The following XKR4 variants were observed in gnomAD, a reference collection of about 807,000 sequenced individuals.
XKR4 encodes XK related 4.
In XKR4, 12 loss-of-function variants were observed where a neutral mutation model predicts 53.9. The observed-to-expected ratio is 0.22, with a 90% CI of 0.14 to 0.36. The LOEUF is 0.36. Ranked by LOEUF, XKR4 falls within the 10% of genes least tolerant of loss-of-function variation. XKR4 has a pLI of 1.00. For synonymous variants in XKR4, 354 were observed against 362.4 expected, an observed-to-expected ratio of 0.98 and a Z score of 0.26; for missense variants, 799 against 859.5, an observed-to-expected ratio of 0.93 and a Z score of 0.88.
At chr8:55,318,313 A>T (rs1338837202) in intron 1 of XKR4, among the ~76,000 whole-genome samples, 1 of 152,218 alleles carries the variant, frequency 6.6e-6, no homozygotes, top group Non-Finnish European at 1.5e-5. Flanking sequence ...AATATCTCAA[A>T]CATCAATAAA....
chr8:55,316,220 A>G (rs1443966382), intron 1 of XKR4, among the ~76,000 whole-genome samples: 1 of 152,162 alleles, frequency 6.6e-6, no homozygotes, highest in African/African-American at 2.4e-5. Context: ...CTTATTTTGA[A>G]AATCTGTTGA....
chr8:55,290,111 A>G (rs1389388781), intron 1 of XKR4, among the ~76,000 whole-genome samples: 2 of 150,056 alleles, frequency 1.3e-5, no homozygotes, highest in African/African-American at 4.9e-5. Flanking sequence ...TTTGTGTGTG[A>G]TGTTAATTCT....
At chr8:55,361,116 C>T (rs944356456) in intron 2 of XKR4, among the ~76,000 whole-genome samples, 5 of 152,334 alleles carry the variant, frequency 3.3e-5, no homozygotes, top group South Asian at 2.1e-4. Flanking sequence ...CAGCTCCCCG[C>T]GGAGTATAAG....
At chr8:55,461,336 C>G (rs1805654675) in intron 2 of XKR4, among the ~76,000 whole-genome samples, 1 of 152,246 alleles carries the variant, frequency 6.6e-6, no homozygotes, top group Non-Finnish European at 1.5e-5. Context: ...TGTTCTGCAG[C>G]CTTCGCTGCT....
intron 1 of XKR4, among the ~76,000 whole-genome samples, chr8:55,346,857 T>G (rs1211381521): frequency 6.6e-6 from 1 of 152,170 alleles, no homozygotes; most frequent in African/African-American, 2.4e-5. Context: ...AAATAACAAC[T>G]GATAACAGCC....
At chr8:55,149,778 G>A (rs772850243) in intron 1 of XKR4, among the ~76,000 whole-genome samples, 2 of 152,204 alleles carry the variant, frequency 1.3e-5, no homozygotes, top group African/African-American at 4.8e-5. Context: ...GCAGAAGCAG[G>A]TGCTGCCTTA....
chr8:55,129,385 C>G (rs1175237865), intron 1 of XKR4, among the ~76,000 whole-genome samples: 1 of 152,240 alleles, frequency 6.6e-6, no homozygotes, highest in South Asian at 2.1e-4. Context: ...CTGCCTTGCA[C>G]TCTGAGCTGA....
At chr8:55,492,068 G>C (rs1161611079) in intron 2 of XKR4, among the ~76,000 whole-genome samples, 2 of 152,124 alleles carry the variant, frequency 1.3e-5, no homozygotes, top group African/African-American at 4.8e-5. Context: ...TGCTCTACTT[G>C]AATTCCCCTT....
chr8:55,307,216 C>T (rs971857466), intron 1 of XKR4, among the ~76,000 whole-genome samples: 3 of 152,070 alleles, frequency 2.0e-5, no homozygotes, highest in Admixed American at 6.5e-5. Flanking sequence ...CTGCGGACTG[C>T]GAGAAAATAT....
chr8:55,162,483 A>T (rs1563472058), intron 1 of XKR4, among the ~76,000 whole-genome samples: 1 of 152,234 alleles, frequency 6.6e-6, no homozygotes, highest in African/African-American at 2.4e-5. Flanking sequence ...TTGCAAAATG[A>T]AATAATAATA....
intron 2 of XKR4, among the ~76,000 whole-genome samples, chr8:55,429,971 G>A (rs1805075724): frequency 1.3e-5 from 2 of 152,050 alleles, no homozygotes; most frequent in Non-Finnish European, 2.9e-5. Flanking sequence ...GCTGGGACAT[G>A]GGCAAATGAT....
intron 1 of XKR4, among the ~76,000 whole-genome samples, chr8:55,235,976 C>T (rs1474540663): frequency 6.6e-6 from 1 of 152,206 alleles, no homozygotes; most frequent in Non-Finnish European, 1.5e-5. Context: ...TTAAATTGTT[C>T]AGAGGTGTCT....
At chr8:55,511,471 C>T (rs1382391196) in intron 2 of XKR4, among the ~76,000 whole-genome samples, 2 of 152,136 alleles carry the variant, frequency 1.3e-5, no homozygotes, top group Non-Finnish European at 2.9e-5. Flanking sequence ...CCCCCAAGTC[C>T]TTCCCTTTCT....
intron 1 of XKR4, among the ~76,000 whole-genome samples, chr8:55,187,473 A>C (rs1301130658): frequency 1.3e-5 from 2 of 152,212 alleles, no homozygotes; most frequent in Non-Finnish European, 2.9e-5. Context: ...TGTCGTAATT[A>C]GGAAGGGGCT....
chr8:55,151,561 A>G lies in XKR4; in HGVS notation c.806+48267A>G, dbSNP rs560384490. On this transcript the variant is annotated intron_variant, in intron 1 of 2. Transcript: ENST00000327381. ...AAAATAGATTATCATAATCTATTAT[A>G]GTAGAGTGTACTTAAGAAACATTTA... Among the ~76,000 whole-genome samples, 9 of 152,370 alleles carry G rather than the reference A, an allele frequency of 5.9e-5. No homozygotes were observed. In the East Asian group the frequency reaches 1.2e-3, roughly 20 times the overall value.
chr8:55,276,392 TC>T (rs1470133205), intron 1 of XKR4, among the ~76,000 whole-genome samples: 3 of 152,230 alleles, frequency 2.0e-5, no homozygotes, highest in Non-Finnish European at 4.4e-5. Context: ...TGAATGCCTT[TC>T]TAACTCCCTT....
chr8:55,396,958 A>G (rs1423466659), intron 2 of XKR4, among the ~76,000 whole-genome samples: 15 of 152,224 alleles, frequency 9.9e-5, no homozygotes, highest in Admixed American at 9.8e-4. Flanking sequence ...CCACTGTCAC[A>G]CTTTCATTTG....
In XKR4 at chr8:55,437,859, T is replaced by A. The variant is rs537303810; in HGVS notation, c.1006+79982T>A. Among the ~76,000 whole-genome samples the A allele has an allele frequency of 4.5e-4, 69 of 151,834 alleles. 1 individual carries two copies. The highest frequency in any genetic ancestry group is 1.3e-4 in the Non-Finnish European group (9 of 67,950). On this transcript the variant is annotated intron_variant, in intron 2 of 2. Coordinates refer to ENST00000327381, the MANE Select transcript of XKR4 (RefSeq NM_052898.2). ...GAAAAAGCAGCAGTGTAAATAATCA[T>A]GGCCATCTTTTAAAGAAACTAGGGA...
At chr8:55,479,503 A>T (rs190446959) in intron 2 of XKR4, among the ~76,000 whole-genome samples, 1 of 152,154 alleles carries the variant, frequency 6.6e-6, no homozygotes, top group Non-Finnish European at 1.5e-5. Flanking sequence ...GAAAAGCAAG[A>T]GCAAACACAT....
Sources: gnomAD v4.1 joint callset for allele counts (sites outside exome capture counted in the v4.1 genomes callset) on GRCh38, gnomAD v4.1.1 for gene constraint, MANE v1.5 for transcripts, NCBI Gene and HGNC (gene_info 2026-07-23, HGNC 2026-07-21) for gene names.